The following ASTN2 variants were observed in gnomAD, a reference collection of about 807,000 sequenced individuals.
ASTN2 encodes the protein astrotactin 2.
ASTN2 carries 54 observed loss-of-function variants against 139.8 expected under a neutral mutation model. The ratio of observed to expected loss-of-function variants is 0.39; its 90% CI spans 0.31 to 0.48. ASTN2 has a LOEUF of 0.48. Among genes scored for constraint, ASTN2 ranks in the 20% least tolerant of loss-of-function variants. The probability of loss-of-function intolerance (pLI) is 0.95; values close to 1 mark genes in which losing one functional copy is unlikely to be tolerated. For missense variants in ASTN2, 1,565 were observed against 1,725.1 expected (o/e 0.91, Z 1.64); for synonymous variants, 756 against 719.5 (o/e 1.05, Z -0.81).
intron 10 of ASTN2, among the ~76,000 whole-genome samples, chr9:116,885,913 A>G (rs1296328837): frequency 1.3e-5 from 2 of 152,342 alleles, no homozygotes; most frequent in South Asian, 2.1e-4. Flanking sequence ...GCAAATACCT[A>G]TTGAATGCCA....
At chr9:116,997,766 A>G (rs1214993474) in intron 7 of ASTN2, among the ~76,000 whole-genome samples, 1 of 152,222 alleles carries the variant, frequency 6.6e-6, no homozygotes, top group Non-Finnish European at 1.5e-5. Context: ...ATAATAACTG[A>G]GAATAGCTAT....
intron 10 of ASTN2, among the ~76,000 whole-genome samples, chr9:116,965,762 G>A (rs1835994734): frequency 6.6e-6 from 1 of 152,150 alleles, no homozygotes; most frequent in Non-Finnish European, 1.5e-5. Context: ...AGAGCAGAAA[G>A]GGCTTCCATG....
chr9:116,432,713 T>G (rs1251825280), intron 22 of ASTN2, among the ~76,000 whole-genome samples: 1 of 152,114 alleles, frequency 6.6e-6, no homozygotes, highest in Non-Finnish European at 1.5e-5. Flanking sequence ...GCGGATCACT[T>G]GTGGTCGGGA....
chr9:116,619,649 T>C (rs1457152109), intron 18 of ASTN2, among the ~76,000 whole-genome samples: 1 of 151,074 alleles, frequency 6.6e-6, no homozygotes, highest in Non-Finnish European at 1.5e-5. Flanking sequence ...TCAGCCTCCA[T>C]AGTAGCTGGG....
intron 11 of ASTN2, among the ~76,000 whole-genome samples, chr9:116,830,797 A>C (rs1564290798): frequency 6.6e-6 from 1 of 151,484 alleles, no homozygotes; most frequent in Non-Finnish European, 1.5e-5. Context: ...ATGTCAAAAA[A>C]AAAAAAAAGA....
chr9:116,674,131 A>ATGCAGCTGGAGGTTACAAGATGC (rs1286939035), intron 16 of ASTN2, among the ~76,000 whole-genome samples: 21 of 152,224 alleles, frequency 1.4e-4, no homozygotes, highest in Non-Finnish European at 2.8e-4. Flanking sequence ...TTTAGGAGTC[A>ATGCAGCTGGAGGTTACAAGATGC]TGCAGCTGGA....
chr9:116,825,300 C>A (rs188798223), intron 11 of ASTN2, among the ~76,000 whole-genome samples: 24 of 152,342 alleles, frequency 1.6e-4, no homozygotes, highest in Non-Finnish European at 2.8e-4. Flanking sequence ...CTTGGAGGCA[C>A]TTCTGAAGAC....
intron 5 of ASTN2, among the ~76,000 whole-genome samples, chr9:117,063,518 C>T (rs1839356049): frequency 6.6e-6 from 1 of 152,196 alleles, no homozygotes; most frequent in African/African-American, 2.4e-5. Context: ...TTTCACCTTC[C>T]ACCATGACTG....
At chr9:117,060,460 G>GA (rs1491517399) in intron 5 of ASTN2, among the ~76,000 whole-genome samples, 1 of 41,822 alleles carries the variant, frequency 2.4e-5, no homozygotes, top group South Asian at 1.2e-3. Flanking sequence ...AAGAAAGAAA[G>GA]GAAGGAAGGA....
intron 16 of ASTN2, among the ~76,000 whole-genome samples, chr9:116,724,715 G>C (rs1349448300): frequency 6.6e-6 from 1 of 152,208 alleles, no homozygotes; most frequent in Non-Finnish European, 1.5e-5. Flanking sequence ...TGTTCTTGGA[G>C]ATAGGGTGGC....
intron 10 of ASTN2, among the ~76,000 whole-genome samples, chr9:116,933,155 T>C (rs891790565): frequency 3.9e-5 from 6 of 152,116 alleles, no homozygotes; most frequent in African/African-American, 1.2e-4. Flanking sequence ...TCCTAAGAGT[T>C]AGCTGTACTA....
intron 16 of ASTN2, among the ~76,000 whole-genome samples, chr9:116,724,027 G>A (rs1828547671): frequency 6.6e-6 from 1 of 152,140 alleles, no homozygotes; most frequent in African/African-American, 2.4e-5. Flanking sequence ...GGGATTTTCT[G>A]GAATGAGAAA....
intron 3 of ASTN2, among the ~76,000 whole-genome samples, chr9:117,189,081 G>A (rs1024065640): frequency 2.0e-5 from 3 of 152,088 alleles, no homozygotes; most frequent in African/African-American, 7.2e-5. Flanking sequence ...CTCCCAGATA[G>A]GAGACTCCTA....
chr9:116,533,780 T>C (rs1042975756), intron 19 of ASTN2, among the ~76,000 whole-genome samples: 1 of 152,168 alleles, frequency 6.6e-6, no homozygotes, highest in African/African-American at 2.4e-5. Flanking sequence ...TTATTGAAGA[T>C]TTTTGCATCG....
At chr9:117,277,307 G>A (rs933329364) in intron 2 of ASTN2, 1 of 152,150 alleles carries the variant, frequency 6.6e-6, no homozygotes, top group East Asian at 1.9e-4. Context: ...ATAGGGTAAG[G>A]TTCAGGAAAC....
chr9:117,145,664 C>T (rs202003554), intron 3 of ASTN2, among the ~76,000 whole-genome samples: 4 of 141,766 alleles, frequency 2.8e-5, no homozygotes, highest in Non-Finnish European at 6.2e-5. Context: ...TCCTGACATT[C>T]TTGTCCTGGT....
intron 2 of ASTN2, among the ~76,000 whole-genome samples, chr9:117,288,156 C>G (rs1248261947): frequency 6.6e-6 from 1 of 152,200 alleles, no homozygotes; most frequent in Non-Finnish European, 1.5e-5. Flanking sequence ...ACTGTTTACT[C>G]TCACTTTCTG....
Position 116,724,877 on chromosome 9 carries a change from G to A in ASTN2, c.2806+894C>T, listed in dbSNP as rs146970976. Among the ~76,000 whole-genome samples, 673 of 152,238 alleles carry A rather than the reference G, an allele frequency of 4.4e-3. 7 individuals are homozygous for A. The highest frequency in any genetic ancestry group is 0.015 in the African/African-American group (637 of 41,540). ...TAGTTGAAAGAGGGAAAGAACATGG[G>A]CTTTTGCAGCCAGCCAGCCTTGGGT... On this transcript the variant is annotated intron_variant, in intron 16 of 22. Coordinates refer to ENST00000313400, the MANE Select transcript of ASTN2 (RefSeq NM_001365068.1).
chr9:117,350,357 T>G (rs1264716433), intron 1 of ASTN2, among the ~76,000 whole-genome samples: 1 of 152,018 alleles, frequency 6.6e-6, no homozygotes, highest in African/African-American at 2.4e-5. Context: ...GAGACCAGCC[T>G]GGCCAATATG....
Sources: allele counts gnomAD v4.1 joint callset (sites outside exome capture counted in the v4.1 genomes callset), GRCh38; gene constraint gnomAD v4.1.1; transcripts MANE v1.5; gene names NCBI Gene and HGNC (gene_info 2026-07-23, HGNC 2026-07-21).